The following PRKG1 variants were observed in gnomAD, a reference collection of about 807,000 sequenced individuals.
PRKG1 encodes the protein protein kinase cGMP-dependent 1.
Under a neutral mutation model 88.1 loss-of-function variants are expected in PRKG1, and 35 were observed. The observed-to-expected ratio is 0.40, with a 90% confidence interval of 0.30 to 0.53. The LOEUF is 0.53. PRKG1 is among the 20% of genes least tolerant of loss of function. The pLI is 0.59. For synonymous variants in PRKG1, 303 were observed against 292.5 expected (o/e 1.04, Z -0.37); for missense variants, 540 against 839.8 (o/e 0.64, Z 4.41).
intron 9 of PRKG1, among the ~76,000 whole-genome samples, chr10:52,179,297 TTTGC>T (rs1838949053): frequency 6.6e-6 from 1 of 152,142 alleles, no homozygotes; most frequent in Admixed American, 6.5e-5. Context: ...TCCCTTAGCT[TTTGC>T]TTGTTTATGA....
chr10:52,038,159 C>G (rs1845665116), intron 5 of PRKG1, among the ~76,000 whole-genome samples: 1 of 151,946 alleles, frequency 6.6e-6, no homozygotes, highest in Non-Finnish European at 1.5e-5. Flanking sequence ...GGTTTTAGGT[C>G]AGGTGTGAGT....
intron 3 of PRKG1, among the ~76,000 whole-genome samples, chr10:51,587,113 G>C (rs984526567): frequency 1.9e-4 from 29 of 151,976 alleles, no homozygotes; most frequent in South Asian, 2.1e-4. Flanking sequence ...ATTCAGACGG[G>C]CCTCATTTTT....
chr10:51,052,316 A>G (rs186146875), intron 1 of PRKG1, among the ~76,000 whole-genome samples: 115 of 152,290 alleles, frequency 7.6e-4, no homozygotes, highest in African/African-American at 2.7e-3. Context: ...CAAGAATTTA[A>G]CCTGGAATTT....
chr10:51,169,915 C>T (rs1309860723), intron 2 of PRKG1, among the ~76,000 whole-genome samples: 1 of 152,062 alleles, frequency 6.6e-6, no homozygotes, highest in Non-Finnish European at 1.5e-5. Flanking sequence ...CCACTTCATA[C>T]TTCTGGCTCA....
chr10:51,488,146 G>A (rs1840601052), intron 3 of PRKG1, among the ~76,000 whole-genome samples: 1 of 152,136 alleles, frequency 6.6e-6, no homozygotes, highest in Non-Finnish European at 1.5e-5. Flanking sequence ...ATGGCTGACT[G>A]GGTGACTGTG....
At chr10:51,099,782 C>G (rs1470663076) in intron 1 of PRKG1, among the ~76,000 whole-genome samples, 7 of 152,128 alleles carry the variant, frequency 4.6e-5, no homozygotes, top group Non-Finnish European at 1.0e-4. Context: ...TTTGTCTCTG[C>G]GTAATAAGAT....
At chr10:52,019,410 T>C (rs1462451079) in intron 5 of PRKG1, among the ~76,000 whole-genome samples, 1 of 152,174 alleles carries the variant, frequency 6.6e-6, no homozygotes, top group East Asian at 1.9e-4. Context: ...AAGAAATTCC[T>C]GGGTTGTAAA....
At chr10:51,547,992 A>G (rs980460993) in intron 3 of PRKG1, among the ~76,000 whole-genome samples, 2 of 152,092 alleles carry the variant, frequency 1.3e-5, no homozygotes, top group Non-Finnish European at 2.9e-5. Context: ...CAGACCAAAA[A>G]TAAGAGATTG....
Position 51,834,859 on chromosome 10 carries a change from G to A in PRKG1, c.698+30169G>A, listed in dbSNP as rs191698863. Among the ~76,000 whole-genome samples, 1,093 of 152,236 alleles carry A rather than the reference G, an allele frequency of 7.2e-3. 13 individuals carry two copies. The highest frequency in any genetic ancestry group is 0.025 in the African/African-American group (1,035 of 41,532). On this transcript the variant is annotated intron_variant, in intron 4 of 17. Transcript: ENST00000373980. ...AAGGTCATCACATTGCATGGGGCAA[G>A]TGAGATGGAAAAGGGTCACTGAGTC...
intron 5 of PRKG1, among the ~76,000 whole-genome samples, chr10:51,995,471 A>G (rs1410671728): frequency 1.3e-5 from 2 of 152,138 alleles, no homozygotes; most frequent in African/African-American, 4.8e-5. Flanking sequence ...TAGGCCAACC[A>G]ATTTTCTGAA....
At chr10:51,727,040 A>T (rs1842149784) in intron 3 of PRKG1, among the ~76,000 whole-genome samples, 1 of 151,896 alleles carries the variant, frequency 6.6e-6, no homozygotes, top group African/African-American at 2.4e-5. Context: ...CGGCCTCCCA[A>T]AGTGCTGGGA....
chr10:51,339,787 A>G (rs934234839), intron 2 of PRKG1, among the ~76,000 whole-genome samples: 7 of 152,166 alleles, frequency 4.6e-5, no homozygotes, highest in Non-Finnish European at 1.0e-4. Context: ...TGAAAGCACT[A>G]TGATTTAAGT....
intron 5 of PRKG1, among the ~76,000 whole-genome samples, chr10:51,939,659 C>CT (rs1336278902): frequency 2.7e-5 from 4 of 150,942 alleles, no homozygotes; most frequent in African/African-American, 9.7e-5. Flanking sequence ...TTTAACTTGT[C>CT]TTTTTTGGCC....
intron 5 of PRKG1, among the ~76,000 whole-genome samples, chr10:52,026,806 C>T (rs942152570): frequency 2.0e-5 from 3 of 152,068 alleles, no homozygotes; most frequent in Non-Finnish European, 4.4e-5. Context: ...GAAACCCTGC[C>T]TCTACTAAAA....
chr10:51,615,490 G>A (rs1352011622), intron 3 of PRKG1, among the ~76,000 whole-genome samples: 1 of 151,692 alleles, frequency 6.6e-6, no homozygotes, highest in Non-Finnish European at 1.5e-5. Context: ...TCACTTTATG[G>A]TGTCCATGAA....
chr10:51,098,288 T>C (rs1386977349), intron 1 of PRKG1, among the ~76,000 whole-genome samples: 1 of 152,322 alleles, frequency 6.6e-6, no homozygotes, highest in South Asian at 2.1e-4. Context: ...CTATCAAATA[T>C]GTATAGTACT....
chr10:51,118,261 TA>T (rs1845175389), intron 1 of PRKG1, among the ~76,000 whole-genome samples: 1 of 152,058 alleles, frequency 6.6e-6, no homozygotes, highest in South Asian at 2.1e-4. Flanking sequence ...TGAAAAAAAA[TA>T]AAAAATAAAA....
At chr10:51,032,314 G>T (rs1224304822) in intron 1 of PRKG1, among the ~76,000 whole-genome samples, 1 of 150,522 alleles carries the variant, frequency 6.6e-6, no homozygotes, top group African/African-American at 2.4e-5. Flanking sequence ...ACCCCCAAAG[G>T]TCTCTTGGCA....
chr10:52,072,054 T>C (rs1846509423), intron 7 of PRKG1, among the ~76,000 whole-genome samples: 1 of 151,340 alleles, frequency 6.6e-6, no homozygotes, highest in Non-Finnish European at 1.5e-5. Flanking sequence ...ATCACCAGGC[T>C]CCTTCACCCA....
Sources: allele counts gnomAD v4.1 joint callset (sites outside exome capture counted in the v4.1 genomes callset), GRCh38; gene constraint gnomAD v4.1.1; transcripts MANE v1.5; gene names NCBI Gene and HGNC (gene_info 2026-07-23, HGNC 2026-07-21).